Variants in LRRC27 observed in about 807,000 individuals in gnomAD.
The protein encoded by LRRC27 is leucine-rich repeat-containing protein 27.
LRRC27 carries 57 observed loss-of-function variants against 55.0 expected under a neutral mutation model. That is an observed-to-expected ratio of 1.04 (90% CI 0.84 to 1.29). The LOEUF (loss-of-function observed/expected upper bound fraction) is 1.29. LRRC27 is among the 50% of genes most tolerant of loss of function. The pLI is 0.00. For missense variants in LRRC27, 721 were observed against 651.5 expected (o/e 1.11, Z -1.16); for synonymous variants, 278 against 251.9 (o/e 1.10, Z -0.98).
At chr10:132,365,183 C>G (rs1291849825) in intron 9 of LRRC27, among the ~76,000 whole-genome samples, 1 of 152,218 alleles carries the variant, frequency 6.6e-6, no homozygotes, top group Non-Finnish European at 1.5e-5. Context: ...CTGGCAGCTT[C>G]TGAACTACTG....
chr10:132,346,351 A>G (rs2067686074), intron 5 of LRRC27, among the ~76,000 whole-genome samples: 1 of 152,182 alleles, frequency 6.6e-6, no homozygotes, highest in Non-Finnish European at 1.5e-5. Context: ...TACTATGTAT[A>G]TTTTTAGTAC....
intron 8 of LRRC27, 34 bp from the exon 9 acceptor site, chr10:132,361,423 G>C: frequency 6.6e-7 from 1 of 1,511,628 alleles, no homozygotes; most frequent in South Asian, 1.1e-5. Flanking sequence ...TCATCTACTG[G>C]GATTCCAGAA....
chr10:132,373,422 C>T (rs562987919), intron 10 of LRRC27, among the ~76,000 whole-genome samples: 6 of 152,082 alleles, frequency 3.9e-5, no homozygotes, highest in Admixed American at 6.6e-5. Flanking sequence ...CTCAGCATCC[C>T]GAACCAGAGC....
intron 6 of LRRC27, chr10:132,349,070 GGTGTGC>G: frequency 6.3e-7 from 1 of 1,580,586 alleles, no homozygotes; most frequent in Non-Finnish European, 8.7e-7. Context: ...ATGTATCTGT[GGTGTGC>G]GTGTGTGTGC....
At position 132,380,461 on chromosome 10, in the gene LRRC27, C is replaced by T. The variant is rs190231490; in HGVS notation, c.*5219C>T. 6.6e-6 allele frequency among the ~76,000 whole-genome samples: 1 copy of T among 152,236 alleles called. No individual in the cohort carries two copies. Among genetic ancestry groups the T allele is most frequent in the Admixed American group, 6.5e-5 (1 of 15,284 alleles). On this transcript the variant is annotated 3_prime_UTR_variant, in exon 11 of 11. Coordinates refer to ENST00000368614, the MANE Select transcript of LRRC27 (RefSeq NM_030626.3). ...CGTGTGGTGCTAATCTCTGCACGAGCGGTTCATGTCTTCAGTACATTGTGT... is the reference window on the plus strand; with the variant it reads ...CGTGTGGTGCTAATCTCTGCACGAGTGGTTCATGTCTTCAGTACATTGTGT...
intron 10 of LRRC27, among the ~76,000 whole-genome samples, chr10:132,370,946 A>G (rs1487616168): frequency 6.6e-6 from 1 of 152,210 alleles, no homozygotes; most frequent in Non-Finnish European, 1.5e-5. Context: ...TCCTTAGAGC[A>G]GGTCCTGAGC....
At chr10:132,364,092 A>G (rs2133059766) in intron 9 of LRRC27, among the ~76,000 whole-genome samples, 1 of 152,056 alleles carries the variant, frequency 6.6e-6, no homozygotes, top group East Asian at 1.9e-4. Flanking sequence ...GGCACAGTAA[A>G]AGCTGGAGTC....
chr10:132,361,422 G>C, intron 8 of LRRC27, 35 bp from the exon 9 acceptor site: 1 of 1,508,968 alleles, frequency 6.6e-7, no homozygotes, highest in Non-Finnish European at 9.2e-7. Flanking sequence ...ATCATCTACT[G>C]GGATTCCAGA....
chr10:132,375,045 C>T (rs1271062062), intron 10 of LRRC27, 21 bp from the exon 11 acceptor site: 1 of 1,596,596 alleles, frequency 6.3e-7, no homozygotes, highest in Non-Finnish European at 8.6e-7. Flanking sequence ...CTAACATCTC[C>T]CCCTCCTTGT....
intron 8 of LRRC27, 75 bp downstream of exon 8, chr10:132,355,961 C>T: frequency 9.7e-7 from 1 of 1,032,832 alleles, no homozygotes; most frequent in Non-Finnish European, 1.5e-6. Context: ...GCATCCCTGT[C>T]CATGGAGGAT....
chr10:132,344,508 C>CA lies in LRRC27; in HGVS notation c.412dup (p.Thr138AsnfsTer53). 1 of 1,613,144 alleles carries CA rather than the reference C, an allele frequency of 6.2e-7. No homozygotes were observed. Among genetic ancestry groups the CA allele is most frequent in the South Asian group, 1.1e-5 (1 of 91,026 alleles). The stretch of plus-strand genomic sequence containing the variant: ...TTTCCTCCACTGCAGGGAGCGTAAC[C>CA]ACGCTGAAAGCACTGAACCTAAGAC... On this transcript the variant is annotated frameshift_variant, in exon 5 of 11. Coordinates refer to ENST00000368614, the MANE Select transcript of LRRC27 (RefSeq NM_030626.3). LOFTEE classifies it high-confidence loss of function.
intron 1 of LRRC27, chr10:132,332,587 C>G (rs1219247266): frequency 6.6e-6 from 1 of 152,166 alleles, no homozygotes; most frequent in African/African-American, 2.4e-5. Context: ...TTTCCCTGTT[C>G]TGAGGTTTGA....
intron 8 of LRRC27, among the ~76,000 whole-genome samples, chr10:132,358,402 A>T (rs1283808980): frequency 4.6e-5 from 1 of 21,626 alleles, no homozygotes; most frequent in African/African-American, 4.0e-4. Context: ...CGTGGGGAGG[A>T]GCCGAGGTGG....
chr10:132,364,138 G>A (rs1220713606), intron 9 of LRRC27, among the ~76,000 whole-genome samples: 2 of 151,944 alleles, frequency 1.3e-5, no homozygotes, highest in African/African-American at 2.4e-5. Flanking sequence ...TGACCTGAGG[G>A]CTCTGTTCTG....
intron 10 of LRRC27, among the ~76,000 whole-genome samples, chr10:132,369,062 G>C (rs989391970): frequency 6.6e-6 from 1 of 152,206 alleles, no homozygotes; most frequent in African/African-American, 2.4e-5. Context: ...TTCACATTGT[G>C]TGTCATCAGA....
chr10:132,330,260 A>G, upstream of LRRC27: 5 of 571,210 alleles, frequency 8.8e-6, no homozygotes, highest in South Asian at 1.1e-4. Flanking sequence ...ACCTGAGGCA[A>G]CAATAACAAG....
At chr10:132,331,200 CAAA>C (rs35734065), upstream of LRRC27, among the ~76,000 whole-genome samples, 25 of 56,304 alleles carry the variant, frequency 4.4e-4, no homozygotes, top group Middle Eastern at 0.012. Flanking sequence ...GACTCCACCT[CAAA>C]AAAAAAAAAA....
At chr10:132,345,322 A>G (rs578027852) in intron 5 of LRRC27, among the ~76,000 whole-genome samples, 4 of 152,314 alleles carry the variant, frequency 2.6e-5, no homozygotes, top group Admixed American at 1.3e-4. Context: ...CTTAAGAAAA[A>G]TGCATGTTTG....
At chr10:132,336,996 C>T (rs993234037) in intron 2 of LRRC27, 25 of 923,276 alleles carry the variant, frequency 2.7e-5, no homozygotes, top group Middle Eastern at 3.5e-4. Flanking sequence ...GACTTTACAA[C>T]GCCACCGAGT....
Sources: gnomAD v4.1 joint callset for allele counts (sites outside exome capture counted in the v4.1 genomes callset) on GRCh38, gnomAD v4.1.1 for gene constraint, MANE v1.5 for transcripts, NCBI Gene and HGNC (gene_info 2026-07-23, HGNC 2026-07-21) for gene names.